Variants in R3HDM2 observed in about 807,000 individuals in gnomAD.
The protein encoded by R3HDM2 is R3H domain-containing protein 2.
R3HDM2 carries 38 observed loss-of-function variants against 124.5 expected under a neutral mutation model. That is an observed-to-expected ratio of 0.31 (90% CI 0.24 to 0.40). R3HDM2 has a LOEUF of 0.40. Ranked by LOEUF, R3HDM2 falls within the 10% of genes least tolerant of loss-of-function variation. The pLI, the probability that R3HDM2 is intolerant of heterozygous loss-of-function variation, is 1.00. For synonymous variants in R3HDM2, 391 were observed against 448.0 expected (o/e 0.87, Z 1.61); for missense variants, 869 against 1,236.9 (o/e 0.70, Z 4.46).
At chr12:57,418,597 C>T (rs890326357) in intron 1 of R3HDM2, among the ~76,000 whole-genome samples, 8 of 148,438 alleles carry the variant, frequency 5.4e-5, no homozygotes, top group Admixed American at 2.0e-4. Flanking sequence ...GAGTCTCTGT[C>T]GTCCAGGCTG....
chr12:57,301,186 A>G (rs549848537), intron 4 of R3HDM2, among the ~76,000 whole-genome samples: 2 of 152,308 alleles, frequency 1.3e-5, no homozygotes, highest in Admixed American at 1.3e-4. Context: ...ATTTAATGCA[A>G]TAAAACCTAA....
At chr12:57,428,903 C>T (rs534089751) in intron 1 of R3HDM2, among the ~76,000 whole-genome samples, 3 of 151,962 alleles carry the variant, frequency 2.0e-5, no homozygotes, top group South Asian at 2.1e-4. Context: ...CCTGCCACCA[C>T]GCCTGGCTAC....
intron 2 of R3HDM2, among the ~76,000 whole-genome samples, chr12:57,386,617 C>T (rs2065865205): frequency 6.6e-6 from 1 of 152,250 alleles, no homozygotes; most frequent in Admixed American, 6.5e-5. Flanking sequence ...TCCACCGCGC[C>T]CAGTCCCACG....
At chr12:57,284,167 G>A (rs1266211136) in intron 12 of R3HDM2, 111 bp from the exon 13 acceptor site, 2 of 1,013,738 alleles carry the variant, frequency 2.0e-6, no homozygotes, top group Non-Finnish European at 2.9e-6. Context: ...AGAATTAAAG[G>A]GAGGATGGAC....
chr12:57,263,212 A>G (rs2137159857), intron 19 of R3HDM2, among the ~76,000 whole-genome samples: 1 of 152,326 alleles, frequency 6.6e-6, no homozygotes, highest in Non-Finnish European at 1.5e-5. Flanking sequence ...ACATGCCACA[A>G]AGGATACACA....
At chr12:57,311,518 G>A (rs1007893167) in intron 2 of R3HDM2, among the ~76,000 whole-genome samples, 4 of 151,832 alleles carry the variant, frequency 2.6e-5, no homozygotes, top group East Asian at 1.9e-4. Flanking sequence ...GAGCCACCAC[G>A]CCCAGCCTGC....
chr12:57,281,858 A>G (rs2137961485), intron 13 of R3HDM2, among the ~76,000 whole-genome samples: 1 of 152,340 alleles, frequency 6.6e-6, no homozygotes, highest in Middle Eastern at 3.4e-3. Context: ...TAAGGAATAC[A>G]TCAGTGATAT....
chr12:57,395,466 G>A (rs1190301557), intron 2 of R3HDM2, among the ~76,000 whole-genome samples: 1 of 151,902 alleles, frequency 6.6e-6, no homozygotes, highest in East Asian at 1.9e-4. Context: ...TGGCGCCACT[G>A]CACTCCAGCC....
At chr12:57,375,010 T>A (rs1388947971) in intron 2 of R3HDM2, among the ~76,000 whole-genome samples, 5 of 147,534 alleles carry the variant, frequency 3.4e-5, no homozygotes, top group Non-Finnish European at 4.5e-5. Flanking sequence ...AAAAAATAAA[T>A]AAATAAATAA....
chr12:57,328,811 G>A (rs1334166467), intron 2 of R3HDM2, among the ~76,000 whole-genome samples: 3 of 152,112 alleles, frequency 2.0e-5, no homozygotes, highest in Non-Finnish European at 4.4e-5. Context: ...CACCGTGCCT[G>A]GCCAGATTAT....
intron 2 of R3HDM2, among the ~76,000 whole-genome samples, chr12:57,318,555 G>A (rs368809440): frequency 6.6e-5 from 10 of 151,856 alleles, no homozygotes; most frequent in African/African-American, 2.4e-4. Flanking sequence ...GCCTGAGGCA[G>A]AAGAATCGCT....
At chr12:57,402,950 T>C (rs1252191711) in intron 1 of R3HDM2, among the ~76,000 whole-genome samples, 1 of 152,170 alleles carries the variant, frequency 6.6e-6, no homozygotes, top group East Asian at 1.9e-4. Context: ...GGGGAAAATA[T>C]ACATATACAT....
intron 2 of R3HDM2, among the ~76,000 whole-genome samples, chr12:57,336,914 T>C (rs936355913): frequency 3.9e-5 from 6 of 152,162 alleles, no homozygotes; most frequent in African/African-American, 1.4e-4. Context: ...CTTCCATGCT[T>C]TACTTATAAG....
chr12:57,254,693 G>T lies in R3HDM2; in HGVS notation c.*80C>A. 7.9e-7 allele frequency: 1 copy of T among 1,258,132 alleles called. No individual in the cohort carries two copies. The highest frequency in any genetic ancestry group is 1.1e-6 in the Non-Finnish European group (1 of 909,294). 77.9% of individuals were successfully genotyped at this position (1,258,132 alleles called of 1,614,324 possible). On this transcript the variant is annotated 3_prime_UTR_variant, in exon 24 of 24. Transcript: ENST00000402412. ...ATCAGTTTCCTTACTTCCTGCCTCT[G>T]TCCATGGTCTGTCAGGATCCTTCAA...
At position 57,269,045 on chromosome 12, in the gene R3HDM2, A is replaced by G. The variant is rs2043053641; in HGVS notation, c.1752T>C (p.Ala584=). The G allele has an allele frequency of 1.9e-6, 3 of 1,614,218 alleles. No individual in the cohort carries two copies. In the East Asian group the frequency reaches 6.7e-5, roughly 36 times the overall value. Residue 584 remains alanine, a synonymous_variant, in exon 17 of 24, where the codon GCT becomes GCC. Coordinates refer to ENST00000402412, the MANE Select transcript of R3HDM2 (RefSeq NM_001394031.1). ...QPMMPNQQQA[A]YQGMIGVQQP... Reference sequence around the variant, plus strand: ...GCTGGACCCCAATCATGCCTTGGTAAGCCGCCTGCTGCTGGTTAGGCATCA... The same window carrying G: ...GCTGGACCCCAATCATGCCTTGGTAGGCCGCCTGCTGCTGGTTAGGCATCA...
intron 1 of R3HDM2, among the ~76,000 whole-genome samples, chr12:57,397,908 G>T (rs922029726): frequency 6.6e-6 from 1 of 152,172 alleles, no homozygotes. Context: ...TGTGGGCCGG[G>T]CACAGTGGCT....
chr12:57,320,938 C>T (rs996512128), intron 2 of R3HDM2, among the ~76,000 whole-genome samples: 1 of 151,976 alleles, frequency 6.6e-6, no homozygotes, highest in Non-Finnish European at 1.5e-5. Flanking sequence ...TCTGGTCTAC[C>T]CTGTGGCAAA....
chr12:57,273,574 C>A (rs976793049), intron 14 of R3HDM2, among the ~76,000 whole-genome samples: 1 of 152,124 alleles, frequency 6.6e-6, no homozygotes, highest in African/African-American at 2.4e-5. Flanking sequence ...CTTGTATTTG[C>A]AAATAAAAAA....
intron 2 of R3HDM2, among the ~76,000 whole-genome samples, chr12:57,388,270 A>G (rs1402420267): frequency 6.6e-6 from 1 of 152,204 alleles, no homozygotes; most frequent in Non-Finnish European, 1.5e-5. Context: ...TGGCCAAGAC[A>G]CACCAATATT....
Sources: allele counts gnomAD v4.1 joint callset (sites outside exome capture counted in the v4.1 genomes callset), GRCh38; gene constraint gnomAD v4.1.1; transcripts MANE v1.5; gene names NCBI Gene and HGNC (gene_info 2026-07-23, HGNC 2026-07-21).